The following TRIO variants were observed in gnomAD, a reference collection of about 807,000 sequenced individuals.
TRIO encodes triple functional domain protein.
A neutral mutation model predicts 351.9 loss-of-function variants in TRIO; 58 were observed. The observed-to-expected ratio is 0.16, with a 90% confidence interval of 0.13 to 0.21. The LOEUF (loss-of-function observed/expected upper bound fraction) is 0.21. TRIO is among the 10% of genes least tolerant of loss of function. TRIO has a pLI of 1.00. For missense variants in TRIO, 3,201 were observed against 4,027.8 expected (o/e 0.79, Z 5.56); for synonymous variants, 1,758 against 1,595.7 (o/e 1.10, Z -2.42).
At chr5:14,390,880 C>CT (rs369439579) in intron 26 of TRIO, 21 bp from the exon 27 acceptor site, 17,001 of 1,140,456 alleles carry the variant, frequency 0.015, no homozygotes, top group South Asian at 0.019. Context: ...TAAATGAGAT[C>CT]TTTTTTTTTT....
At chr5:14,297,685 G>A (rs181484849) in intron 7 of TRIO, among the ~76,000 whole-genome samples, 204 of 152,266 alleles carry the variant, frequency 1.3e-3, no homozygotes, top group African/African-American at 4.8e-3. Context: ...AGCAAGGAAC[G>A]GAACGCCCAT....
At chr5:14,309,202 G>A (rs887360121) in intron 8 of TRIO, among the ~76,000 whole-genome samples, 1 of 152,098 alleles carries the variant, frequency 6.6e-6, no homozygotes, top group Admixed American at 6.5e-5. Context: ...CAATACCTCA[G>A]GGTTCTTTCC....
intron 1 of TRIO, among the ~76,000 whole-genome samples, chr5:14,259,787 T>TTG (rs1217670752): frequency 7.7e-6 from 1 of 130,496 alleles, no homozygotes; most frequent in East Asian, 2.4e-4. Context: ...GCCAGGTTTT[T>TTG]TGTTTTTTTT....
chr5:14,397,138 C>T lies in TRIO; in HGVS notation c.4407C>T (p.His1469=). 7 of 1,606,874 alleles carry T rather than the reference C, an allele frequency of 4.4e-6. No individual in the cohort carries two copies. The highest frequency in any genetic ancestry group is 5.9e-6 in the Non-Finnish European group (7 of 1,177,530). The change falls in exon 29 of 57, where the codon CAC becomes CAT. Residue 1469 remains histidine (H), a synonymous_variant. Coordinates refer to ENST00000344204, the MANE Select transcript of TRIO (RefSeq NM_007118.4). ...CGAAGCGAGCCAATGATGCCATGCA[C>T]CTCAGCATGCTGGAAGGTAAAGGAC... is the stretch of plus-strand genomic sequence containing the variant. ...SVPKRANDAM[H]LSMLEGFDEN... is the part of the protein sequence containing the mutation.
intron 30 of TRIO, 80 bp from the exon 31 acceptor site, chr5:14,400,883 A>G: frequency 7.3e-7 from 1 of 1,377,996 alleles, no homozygotes; most frequent in Non-Finnish European, 1.0e-6. Flanking sequence ...CAAGTAACCA[A>G]AACCTGTTTC....
At chr5:14,159,696 G>A (rs1423719711) in intron 1 of TRIO, among the ~76,000 whole-genome samples, 1 of 151,870 alleles carries the variant, frequency 6.6e-6, no homozygotes, top group Admixed American at 6.6e-5. Context: ...CCGAATAGCT[G>A]GGATTACAGG....
intron 34 of TRIO, among the ~76,000 whole-genome samples, chr5:14,446,152 C>T (rs971062501): frequency 3.3e-5 from 5 of 151,768 alleles, no homozygotes; most frequent in Non-Finnish European, 4.4e-5. Flanking sequence ...CTCCCTCCCT[C>T]GCTCCCTTCC....
At chr5:14,272,013 G>C (rs1344008137) in intron 2 of TRIO, among the ~76,000 whole-genome samples, 3 of 152,162 alleles carry the variant, frequency 2.0e-5, no homozygotes, top group Non-Finnish European at 4.4e-5. Context: ...AGGAGTTCAT[G>C]AAAAGAAGGT....
chr5:14,370,069 G>A (rs543598267), intron 18 of TRIO, among the ~76,000 whole-genome samples: 1 of 152,190 alleles, frequency 6.6e-6, no homozygotes, highest in Admixed American at 6.5e-5. Context: ...TCTCTGAGAA[G>A]CTTTAATGAG....
At chr5:14,445,032 T>C (rs1262022392) in intron 34 of TRIO, among the ~76,000 whole-genome samples, 1 of 152,244 alleles carries the variant, frequency 6.6e-6, no homozygotes, top group Admixed American at 6.5e-5. Flanking sequence ...GTATGTGCTC[T>C]TTCTAAGTAT....
At chr5:14,152,305 G>C (rs1787885257) in intron 1 of TRIO, among the ~76,000 whole-genome samples, 1 of 152,164 alleles carries the variant, frequency 6.6e-6, no homozygotes, top group African/African-American at 2.4e-5. Context: ...AGCTCGAAAA[G>C]CAAAACAAAA....
At chr5:14,191,639 A>G (rs962440259) in intron 1 of TRIO, among the ~76,000 whole-genome samples, 2 of 152,094 alleles carry the variant, frequency 1.3e-5, no homozygotes, top group Non-Finnish European at 2.9e-5. Flanking sequence ...AACATATGGA[A>G]TGTAATTTAT....
chr5:14,487,717 A>G lies in TRIO; in HGVS notation c.7089A>G (p.Ala2363=). Residue 2363 remains alanine (A), a synonymous_variant, in exon 48 of 57, where the codon GCA becomes GCG. Transcript: ENST00000344204. The stretch of plus-strand genomic sequence containing the variant: ...CTGCAGCCTCGAGCCAGGCAGAGGC[A>G]GACAAGATGTCAGGTACGTCCACCC... The part of the protein sequence containing the change: ...VSSAASSQAE[A]DKMSGTSTPG... 2 of 1,436,890 alleles carry G rather than the reference A, an allele frequency of 1.4e-6. No homozygotes were observed. The highest frequency in any genetic ancestry group is 9.2e-7 in the Non-Finnish European group (1 of 1,085,396). The allele number at this position is 1,436,890 out of a possible 1,614,324, so 89.0% of individuals were successfully genotyped here.
At chr5:14,371,104 T>C (rs183337437) in intron 18 of TRIO, among the ~76,000 whole-genome samples, 76 of 152,352 alleles carry the variant, frequency 5.0e-4, no homozygotes, top group Non-Finnish European at 7.5e-4. Flanking sequence ...GGTTTTGTTT[T>C]AGATGATTTT....
intron 1 of TRIO, among the ~76,000 whole-genome samples, chr5:14,248,832 T>C (rs1369641009): frequency 6.6e-6 from 1 of 152,220 alleles, no homozygotes; most frequent in African/African-American, 2.4e-5. Flanking sequence ...CTGATCCCCA[T>C]ATTATGGGCA....
In TRIO at chr5:14,333,527, A is replaced by G. The variant is rs1291551581; in HGVS notation, c.1854+2627A>G. On this transcript the variant is annotated intron_variant, in intron 10 of 56. Coordinates refer to ENST00000344204, the MANE Select transcript of TRIO (RefSeq NM_007118.4). ...TAATAAAATACCTTGGAGGTTTTCA[A>G]TATGCAGACTTTGTTGTCTTTTAAA... 2.6e-5 allele frequency among the ~76,000 whole-genome samples: 4 copies of G among 152,322 alleles called. No homozygotes were observed. In the East Asian group the frequency reaches 7.7e-4, roughly 29 times the overall value.
At chr5:14,347,753 A>C (rs577230256) in intron 11 of TRIO, among the ~76,000 whole-genome samples, 1 of 152,202 alleles carries the variant, frequency 6.6e-6, no homozygotes, top group Non-Finnish European at 1.5e-5. Flanking sequence ...GTCATGTTGC[A>C]GGTGTCTGTT....
intron 30 of TRIO, among the ~76,000 whole-genome samples, chr5:14,399,647 T>C (rs1747902467): frequency 6.6e-6 from 1 of 152,204 alleles, no homozygotes; most frequent in African/African-American, 2.4e-5. Context: ...GATCCGGTGA[T>C]GCATTTTAAT....
At chr5:14,186,814 G>T (rs1790147748) in intron 1 of TRIO, among the ~76,000 whole-genome samples, 1 of 152,088 alleles carries the variant, frequency 6.6e-6, no homozygotes, top group Admixed American at 6.5e-5. Flanking sequence ...CTGACTTAAG[G>T]TGATCCACCT....
Sources: allele counts gnomAD v4.1 joint callset (sites outside exome capture counted in the v4.1 genomes callset), GRCh38; gene constraint gnomAD v4.1.1; transcripts MANE v1.5; gene names NCBI Gene and HGNC (gene_info 2026-07-23, HGNC 2026-07-21).